ZNF382: variants seen among roughly 807,000 people sequenced by gnomAD.
ZNF382 encodes the protein KRAB/zinc finger suppressor protein 1.
In ZNF382, 20 loss-of-function variants were observed where a neutral mutation model predicts 38.8. The observed-to-expected ratio is 0.51, with a 90% CI of 0.36 to 0.75. ZNF382 has a LOEUF of 0.75. ZNF382 is among the 30% of genes least tolerant of loss of function. ZNF382 has a pLI of 0.00. For synonymous variants in ZNF382, 202 were observed against 223.1 expected, an observed-to-expected ratio of 0.91 and a Z score of 0.84; for missense variants, 546 against 654.1, an observed-to-expected ratio of 0.83 and a Z score of 1.80.
rs536882974 is a variant in ZNF382, at chr19:36,607,077, C to CAAA, written c.-84-459_-84-457dup. Among the ~76,000 whole-genome samples, 400 of 88,846 alleles carry CAAA rather than the reference C, an allele frequency of 4.5e-3. 1 individual carries two copies. Among genetic ancestry groups the CAAA allele is most frequent in the African/African-American group, 0.016 (380 of 23,078 alleles). The allele number at this position is 88,846 out of a possible 152,430, so 58.3% of individuals were successfully genotyped here. ...GGGCAACAAGAGTGAAACTCTGTCT[C>CAAA]AAAAAAAAAAAAAAAAAAGATTATT... On this transcript the variant is annotated intron_variant, in intron 1 of 4. Transcript: ENST00000292928.
At position 36,627,021 on chromosome 19, in the gene ZNF382, CG is replaced by C; in HGVS notation, c.1129del (p.Glu377ArgfsTer168). 1.2e-6 allele frequency: 2 copies of C among 1,613,528 alleles called. No individual in the cohort carries two copies. The highest frequency in any genetic ancestry group is 1.7e-6 in the Non-Finnish European group (2 of 1,179,868). On this transcript the variant is annotated frameshift_variant, in exon 5 of 5. Transcript: ENST00000292928. LOFTEE classifies it high-confidence loss of function. ...ATLTRHHKTH[T>X]GEKAYECPQC... ...CTCACTAGACATCACAAAACACATACGGGGGAGAAAGCCTATGAATGTCCTC... is the reference window on the plus strand; with the variant it reads ...CTCACTAGACATCACAAAACACATACGGGGAGAAAGCCTATGAATGTCCTC...
In ZNF382 at chr19:36,626,929, A is replaced by G. The variant is rs1172367681; in HGVS notation, c.1032A>G (p.Lys344=). 7 of 1,614,066 alleles carry G rather than the reference A, an allele frequency of 4.3e-6. No individual in the cohort carries two copies. The highest frequency in any genetic ancestry group is 1.3e-5 in the African/African-American group (1 of 74,952). The change falls in exon 5 of 5, where the codon AAA becomes AAG. Residue 344 remains lysine, a synonymous_variant. Transcript: ENST00000292928. ...AGACAGCCCTCACCCTTCATGAGAA[A>G]ACACATATAGAGGGGAAACCCTTTA... ...RQKTALTLHE[K]THIEGKPFIC...
chr19:36,619,844 C>T (rs1414845702), intron 4 of ZNF382, among the ~76,000 whole-genome samples: 3 of 151,942 alleles, frequency 2.0e-5, no homozygotes, highest in African/African-American at 7.3e-5. Flanking sequence ...CATTCTCCTG[C>T]CTTAGCCTCC....
At chr19:36,614,912 TCCTTC>T (rs1568628602) in intron 4 of ZNF382, among the ~76,000 whole-genome samples, 31 of 43,102 alleles carry the variant, frequency 7.2e-4, no homozygotes, top group African/African-American at 8.5e-4. Flanking sequence ...TCCTTTCCTT[TCCTTC>T]CCTTTCCCTT....
chr19:36,616,514 T>C (rs1036689661), intron 4 of ZNF382, among the ~76,000 whole-genome samples: 1 of 151,712 alleles, frequency 6.6e-6, no homozygotes, highest in African/African-American at 2.4e-5. Flanking sequence ...TAGCCAGGAG[T>C]CAGTAAAATA....
intron 4 of ZNF382, among the ~76,000 whole-genome samples, chr19:36,622,016 G>A (rs1437326801): frequency 1.5e-5 from 2 of 133,800 alleles, no homozygotes; most frequent in African/African-American, 5.7e-5. Context: ...CTGCCCTTAG[G>A]TTCGATAATT....
In ZNF382 at chr19:36,609,889, C is replaced by T. The variant is rs2037063228; in HGVS notation, c.-13-13C>T. 1 of 1,576,506 alleles carries T rather than the reference C, an allele frequency of 6.3e-7. No homozygotes were observed. The highest frequency in any genetic ancestry group is 1.9e-5 in the Admixed American group (1 of 51,286). ...TCCAATATCTAGTTCTCACACATTT[C>T]CGATCACTTCAGGATGAACTAGAGT... On this transcript the variant is annotated splice_polypyrimidine_tract_variant and intron_variant, in intron 2 of 4. Coordinates refer to ENST00000292928, the MANE Select transcript of ZNF382 (RefSeq NM_032825.5).
chr19:36,616,058 A>G (rs1053537836), intron 4 of ZNF382, among the ~76,000 whole-genome samples: 1 of 152,194 alleles, frequency 6.6e-6, no homozygotes, highest in African/African-American at 2.4e-5. Context: ...CTCTTAAAAC[A>G]ATTTGAATAA....
At position 36,606,398 on chromosome 19, in the gene ZNF382, C is replaced by T. The variant is rs929466267; in HGVS notation, c.-85+1051C>T. 1.9e-4 allele frequency among the ~76,000 whole-genome samples: 29 copies of T among 150,934 alleles called. 1 individual carries two copies. The highest frequency in any genetic ancestry group is 1.9e-3 in the Admixed American group (28 of 15,122). On this transcript the variant is annotated intron_variant, in intron 1 of 4. Transcript: ENST00000292928. ...TAAGACAAGGTCTTGCTCTTTTGCC[C>T]AGGCTGGAGTGTAGTGGCATGATCT...
In ZNF382 at chr19:36,607,844, A is replaced by G. The variant is rs1039378555; in HGVS notation, c.-14+222A>G. On this transcript the variant is annotated intron_variant, in intron 2 of 4. Coordinates refer to ENST00000292928, the MANE Select transcript of ZNF382 (RefSeq NM_032825.5). ...CTAAATTTTGCATTCTAGGTGCCTC[A>G]CCTGCCTCACCCTGTATCCAGCCCT... The G allele has an allele frequency of 2.3e-5, 12 of 521,006 alleles. No individual in the cohort carries two copies. In the African/African-American group the frequency reaches 2.4e-4, roughly 10 times the overall value. The allele number at this position is 521,006 out of a possible 1,614,324, so 32.3% of individuals were successfully genotyped here. A position where few individuals can be genotyped will look rare whatever the true frequency, so the allele number is the denominator to read the frequency against.
Position 36,627,349 on chromosome 19 carries a change from A to T in ZNF382, c.1452A>T (p.Arg484Ser). ...RQKAILTVHH[R>S]IHTGEKSNGC... ...AGGCAATCCTCACTGTTCATCACAGAATACATACAGGAGAAAAATCCAATG... is the reference window on the plus strand; with the variant it reads ...AGGCAATCCTCACTGTTCATCACAGTATACATACAGGAGAAAAATCCAATG... Residue 484 changes from arginine (R) to serine (S), a missense_variant, in exon 5 of 5, where the codon AGA (arginine) becomes AGT (serine). By Grantham distance (110) the Arg-to-Ser change is moderately radical. Coordinates refer to ENST00000292928, the MANE Select transcript of ZNF382 (RefSeq NM_032825.5). The T allele has an allele frequency of 6.2e-7, 1 of 1,614,230 alleles. No individual in the cohort carries two copies. Among genetic ancestry groups the T allele is most frequent in the Non-Finnish European group, 8.5e-7 (1 of 1,180,040 alleles).
intron 4 of ZNF382, among the ~76,000 whole-genome samples, chr19:36,625,914 A>T (rs77275316): frequency 1.3e-5 from 2 of 152,110 alleles, no homozygotes; most frequent in African/African-American, 4.8e-5. Flanking sequence ...CATGCCAAAG[A>T]TATGAGTGTT....
chr19:36,607,421 A>G, intron 1 of ZNF382, 131 bp from the exon 2 acceptor site: 1 of 589,074 alleles, frequency 1.7e-6, no homozygotes, highest in Non-Finnish European at 2.9e-6. Context: ...CATCCTGGAC[A>G]TCTGAAGGGT....
At chr19:36,608,453 T>G (rs1466725347) in intron 2 of ZNF382, 1 of 152,208 alleles carries the variant, frequency 6.6e-6, no homozygotes, top group African/African-American at 2.4e-5. Flanking sequence ...TTTTGAAATA[T>G]TCTATTGTTG....
intron 4 of ZNF382, among the ~76,000 whole-genome samples, chr19:36,621,497 G>A (rs2145329415): frequency 6.6e-6 from 1 of 151,570 alleles, no homozygotes; most frequent in African/African-American, 2.4e-5. Flanking sequence ...ATCTCTATTT[G>A]TTCAAGACTA....
chr19:36,625,089 A>AAG (rs2037199603), intron 4 of ZNF382, among the ~76,000 whole-genome samples: 1 of 42,972 alleles, frequency 2.3e-5, no homozygotes, highest in East Asian at 1.0e-3. Context: ...AATGAATTTA[A>AAG]ATATATATAT....
rs943351255 is a variant in ZNF382 at position 36,631,290 on chromosome 19, C to G, written c.*3740C>G. 1.3e-5 allele frequency: 2 copies of G among 152,218 alleles called. No individual in the cohort carries two copies. The allele number at this position is 152,218 out of a possible 1,614,324, so 9.4% of individuals were successfully genotyped here. A position where few individuals can be genotyped will look rare whatever the true frequency, so the allele number is the denominator to read the frequency against. ...GGCTACAAATCTGTACTGCATGTTA[C>G]TGTGCTGGATACTATAGGCAATTGT... On this transcript the variant is annotated 3_prime_UTR_variant, in exon 5 of 5. Coordinates refer to ENST00000292928, the MANE Select transcript of ZNF382 (RefSeq NM_032825.5).
In ZNF382 at chr19:36,633,379, A is replaced by T. The variant is rs2037265896; in HGVS notation, c.*5829A>T. The T allele has an allele frequency of 6.6e-6, 1 of 152,156 alleles. No homozygotes were observed. Among genetic ancestry groups the T allele is most frequent in the Admixed American group, 6.6e-5 (1 of 15,256 alleles). 9.4% of individuals were successfully genotyped at this position (152,156 alleles called of 1,614,324 possible). On this transcript the variant is annotated 3_prime_UTR_variant, in exon 5 of 5. Transcript: ENST00000292928. The stretch of plus-strand genomic sequence containing the variant: ...AAAACCCTAGATATGTGACAATACC[A>T]AGTGCTGACAAGAATGTGGAACAAC...
intron 3 of ZNF382, 89 bp from the exon 4 acceptor site, chr19:36,610,561 T>A (rs1462426162): frequency 4.2e-5 from 42 of 993,906 alleles, no homozygotes; most frequent in Non-Finnish European, 6.1e-5. Flanking sequence ...GTATACCTCA[T>A]TTACTACCTT....
Sources: gnomAD v4.1 joint callset for allele counts (sites outside exome capture counted in the v4.1 genomes callset) on GRCh38, gnomAD v4.1.1 for gene constraint, MANE v1.5 for transcripts, NCBI Gene and HGNC (gene_info 2026-07-23, HGNC 2026-07-21) for gene names.